ADGRG6: variants seen among roughly 807,000 people sequenced by gnomAD.
The protein encoded by ADGRG6 is adhesion G protein-coupled receptor G6, also known as G-protein coupled receptor 126.
ADGRG6 carries 84 observed loss-of-function variants against 142.4 expected under a neutral mutation model. The ratio of observed to expected loss-of-function variants is 0.59; its 90% CI spans 0.49 to 0.71. The LOEUF (loss-of-function observed/expected upper bound fraction) is 0.71, where lower values mean the gene tolerates loss of function less well. Among genes scored for constraint, ADGRG6 ranks in the 30% least tolerant of loss-of-function variants. The probability of loss-of-function intolerance (pLI) is 0.00; values close to 1 mark genes in which losing one functional copy is unlikely to be tolerated. For synonymous variants in ADGRG6, 521 were observed against 520.5 expected (o/e 1.00, Z -0.01); for missense variants, 1,367 against 1,466.6 (o/e 0.93, Z 1.11).
rs1384367439 is a variant in ADGRG6, at chr6:142,344,269, C to T, written c.104-23300C>T. On this transcript the variant is annotated intron_variant, in intron 2 of 24. Coordinates refer to ENST00000367609, the MANE Select transcript of ADGRG6 (RefSeq NM_198569.3). ...AAATACATACTTGAGAAAACAATGT[C>T]TAACAATGTGATGTTCAATATAAAC... 2.0e-5 allele frequency among the ~76,000 whole-genome samples: 3 copies of T among 151,872 alleles called. No individual in the cohort carries two copies. In the East Asian group the frequency reaches 5.8e-4, roughly 29 times the overall value.
Position 142,305,100 on chromosome 6 carries a change from A to G in ADGRG6, c.2+2769A>G, listed in dbSNP as rs570792680. Among the ~76,000 whole-genome samples the G allele has an allele frequency of 4.6e-5, 7 of 152,284 alleles. No individual in the cohort carries two copies. The South Asian group carries it at 1.2e-3, about 27-fold the overall frequency. ...ATATGTATATTTGTAATAGAAAACC[A>G]TACAAATGACTTGAACATGACAATC... is the stretch of plus-strand genomic sequence containing the variant. On this transcript the variant is annotated intron_variant, in intron 1 of 24. Transcript: ENST00000367609.
intron 24 of ADGRG6, among the ~76,000 whole-genome samples, chr6:142,438,850 A>G (rs1182513595): frequency 6.6e-6 from 1 of 152,226 alleles, no homozygotes; most frequent in Non-Finnish European, 1.5e-5. Flanking sequence ...TATATATGAA[A>G]GAACATAATA....
intron 2 of ADGRG6, among the ~76,000 whole-genome samples, chr6:142,339,325 A>G (rs1162397064): frequency 2.0e-5 from 3 of 152,214 alleles, no homozygotes; most frequent in Non-Finnish European, 4.4e-5. Context: ...GCTTCCAGAA[A>G]AGCTGGAGAC....
At chr6:142,401,606 C>A (rs1397581335) in intron 11 of ADGRG6, among the ~76,000 whole-genome samples, 2 of 152,084 alleles carry the variant, frequency 1.3e-5, no homozygotes, top group African/African-American at 4.8e-5. Context: ...ATTAACTAAT[C>A]TTTTCAGTTC....
intron 2 of ADGRG6, among the ~76,000 whole-genome samples, chr6:142,336,472 T>C (rs1779323041): frequency 1.3e-5 from 2 of 152,202 alleles, no homozygotes; most frequent in Admixed American, 6.5e-5. Flanking sequence ...TCTCTGGGGT[T>C]GTGTCTGGGG....
In ADGRG6 at chr6:142,416,040, C is replaced by T. The variant is rs1354953247; in HGVS notation, c.2914C>T (p.Leu972=). The T allele has an allele frequency of 6.2e-7, 1 of 1,612,386 alleles. No homozygotes were observed. Among genetic ancestry groups the T allele is most frequent in the African/African-American group, 1.3e-5 (1 of 74,864 alleles). ...TAACACTTACATTCGCCGATACATTCTAAAATTCTGCATCATTGGCTGGGG... is the reference window on the plus strand; with the variant it reads ...TAACACTTACATTCGCCGATACATTTTAAAATTCTGCATCATTGGCTGGGG... ...VFNTYIRRYI[L]KFCIIGWGLP... The change falls in exon 20 of 25, where the codon CTA becomes TTA. Residue 972 remains leucine, a synonymous_variant. Coordinates refer to ENST00000367609, the MANE Select transcript of ADGRG6 (RefSeq NM_198569.3).
chr6:142,391,478 C>CAG (rs1386903438), intron 7 of ADGRG6, among the ~76,000 whole-genome samples: 8 of 141,650 alleles, frequency 5.6e-5, no homozygotes, highest in African/African-American at 7.9e-5. Flanking sequence ...CACACACACA[C>CAG]AGAGACATCT....
At chr6:142,308,242 A>T (rs1042302568) in intron 1 of ADGRG6, among the ~76,000 whole-genome samples, 1 of 151,982 alleles carries the variant, frequency 6.6e-6, no homozygotes, top group African/African-American at 2.4e-5. Flanking sequence ...GACTAGGTTC[A>T]TTGCTGTTCC....
At chr6:142,320,822 G>A (rs908153771) in intron 2 of ADGRG6, among the ~76,000 whole-genome samples, 2 of 151,958 alleles carry the variant, frequency 1.3e-5, no homozygotes, top group Admixed American at 1.3e-4. Context: ...GTTGAAAAAG[G>A]ATCCTGTGAA....
chr6:142,318,296 A>ATATATATTTATAT (rs1562307781), intron 2 of ADGRG6, among the ~76,000 whole-genome samples: 2 of 82,284 alleles, frequency 2.4e-5, no homozygotes, highest in African/African-American at 1.0e-4. Context: ...TTTATATATT[A>ATATATATTTATAT]TATATATTTA....
chr6:142,422,916 T>C (rs1233789012), intron 22 of ADGRG6, among the ~76,000 whole-genome samples: 1 of 148,630 alleles, frequency 6.7e-6, no homozygotes, highest in African/African-American at 2.5e-5. Context: ...TGATGGCCAG[T>C]GATGATGAGC....
chr6:142,434,540 G>C (rs905125721), intron 22 of ADGRG6, among the ~76,000 whole-genome samples: 7 of 152,050 alleles, frequency 4.6e-5, no homozygotes, highest in Non-Finnish European at 1.0e-4. Context: ...TGGCCAGGCT[G>C]GTCAGCTCCT....
chr6:142,417,842 A>G (rs371746410), intron 21 of ADGRG6, among the ~76,000 whole-genome samples: 2 of 152,130 alleles, frequency 1.3e-5, no homozygotes, highest in East Asian at 3.8e-4. Flanking sequence ...AGGGTTTTAT[A>G]TTGTTCAGTT....
chr6:142,426,119 A>G (rs1437193488), intron 22 of ADGRG6, among the ~76,000 whole-genome samples: 1 of 152,074 alleles, frequency 6.6e-6, no homozygotes, highest in Non-Finnish European at 1.5e-5. Context: ...TTCAAAACCA[A>G]TTATGCCTTC....
chr6:142,419,561 A>G (rs929922798), intron 21 of ADGRG6, among the ~76,000 whole-genome samples: 21 of 152,142 alleles, frequency 1.4e-4, no homozygotes, highest in African/African-American at 4.8e-4. Flanking sequence ...TTTTCATATC[A>G]ACTCAGAAAT....
rs143192693 is a variant in ADGRG6, at chr6:142,304,151, T to A, written c.2+1820T>A. The stretch of plus-strand genomic sequence containing the variant: ...GAATTACCAACCTTTCCAAGATTAA[T>A]ATTCTTACTATCTTGTTGAAAAATG... On this transcript the variant is annotated intron_variant, in intron 1 of 24. Transcript: ENST00000367609. 9.4e-3 allele frequency among the ~76,000 whole-genome samples: 1,439 copies of A among 152,278 alleles called. 25 individuals carry two copies. Among genetic ancestry groups the A allele is most frequent in the African/African-American group, 0.033 (1,375 of 41,542 alleles).
intron 2 of ADGRG6, among the ~76,000 whole-genome samples, chr6:142,313,952 T>C (rs1342237020): frequency 1.3e-5 from 2 of 152,136 alleles, no homozygotes; most frequent in Non-Finnish European, 2.9e-5. Flanking sequence ...AAAATAAGGC[T>C]CTAATTGTAC....
intron 9 of ADGRG6, 89 bp from the exon 10 acceptor site, chr6:142,397,524 C>T (rs1775262637): frequency 8.7e-7 from 1 of 1,152,210 alleles, no homozygotes; most frequent in African/African-American, 1.6e-5. Flanking sequence ...TGATGGTCAT[C>T]CCTCTACATC....
intron 2 of ADGRG6, among the ~76,000 whole-genome samples, chr6:142,362,425 G>A (rs759634667): frequency 2.6e-5 from 4 of 152,184 alleles, no homozygotes; most frequent in African/African-American, 4.8e-5. Flanking sequence ...ATTCTGGCAT[G>A]TCTGTCAGAA....
Sources: allele counts gnomAD v4.1 joint callset (sites outside exome capture counted in the v4.1 genomes callset), GRCh38; gene constraint gnomAD v4.1.1; transcripts MANE v1.5; gene names NCBI Gene and HGNC (gene_info 2026-07-23, HGNC 2026-07-21).